Variants in CNTRL observed in about 807,000 individuals in gnomAD.
CNTRL encodes 110 kDa centrosomal protein.
Under a neutral mutation model 303.7 loss-of-function variants are expected in CNTRL, and 233 were observed. The ratio of observed to expected loss-of-function variants is 0.77; its 90% confidence interval spans 0.69 to 0.86. The LOEUF (loss-of-function observed/expected upper bound fraction) is 0.86, where lower values mean the gene tolerates loss of function less well. Among genes scored for constraint, CNTRL ranks in the 40% least tolerant of loss-of-function variants. The pLI is 0.00. For missense variants in CNTRL, 2,524 were observed against 2,650.6 expected, an observed-to-expected ratio of 0.95 and a Z score of 1.05; for synonymous variants, 900 against 922.2, an observed-to-expected ratio of 0.98 and a Z score of 0.44.
intron 14 of CNTRL, among the ~76,000 whole-genome samples, chr9:121,127,702 T>G (rs986229332): frequency 1.3e-5 from 2 of 152,012 alleles, no homozygotes; most frequent in Non-Finnish European, 2.9e-5. Context: ...CATGCAGATT[T>G]GTTACATAGG....
intron 42 of CNTRL, 144 bp downstream of exon 42, chr9:121,173,881 T>C (rs2053416257): frequency 5.1e-6 from 4 of 777,906 alleles, no homozygotes; most frequent in Non-Finnish European, 8.9e-6. Flanking sequence ...GTCTGAAGCT[T>C]CGAGGAGTTG....
intron 30 of CNTRL, chr9:121,158,474 A>G (rs1218707726): frequency 4.4e-6 from 1 of 228,364 alleles, no homozygotes; most frequent in Non-Finnish European, 8.5e-6. Context: ...ACAAATACGT[A>G]TTGTCTTTAA....
chr9:121,149,300 C>T (rs1344383286), intron 24 of CNTRL, among the ~76,000 whole-genome samples: 1 of 152,192 alleles, frequency 6.6e-6, no homozygotes, highest in African/African-American at 2.4e-5. Flanking sequence ...CACTTATTAG[C>T]TGTGTGGTCT....
chr9:121,098,508 A>G lies in CNTRL; in HGVS notation c.744A>G (p.Glu248=). Residue 248 remains glutamate (E), a synonymous_variant, in exon 7 of 44, where the codon GAA becomes GAG. Transcript: ENST00000373855. The part of the protein sequence containing the change: ...QFTIFHLRSL[E]SLEGQPVTTQ... ...CCATTTTCCACCTCCGTTCATTGGAAAGTTTGGAAGGTCAGCCAGTAACCA... is the reference window on the plus strand; with the variant it reads ...CCATTTTCCACCTCCGTTCATTGGAGAGTTTGGAAGGTCAGCCAGTAACCA... 5 of 1,613,988 alleles carry G rather than the reference A, an allele frequency of 3.1e-6. No homozygotes were observed. The highest frequency in any genetic ancestry group is 4.2e-6 in the Non-Finnish European group (5 of 1,179,904).
intron 1 of CNTRL, among the ~76,000 whole-genome samples, chr9:121,079,648 A>G (rs1046966397): frequency 6.6e-6 from 1 of 152,148 alleles, no homozygotes; most frequent in Non-Finnish European, 1.5e-5. Context: ...TAAATATTTC[A>G]GATTTTCAGA....
chr9:121,127,112 G>A (rs925407197), intron 14 of CNTRL, among the ~76,000 whole-genome samples: 28 of 152,124 alleles, frequency 1.8e-4, no homozygotes, highest in Admixed American at 3.3e-4. Context: ...GAGCCACAGC[G>A]CCTGGCCTAT....
chr9:121,148,603 C>A, intron 23 of CNTRL, 69 bp from the exon 24 acceptor site: 2 of 1,426,136 alleles, frequency 1.4e-6, no homozygotes, highest in Non-Finnish European at 1.9e-6. Context: ...TTGCTGTAGA[C>A]TTTGACGTTT....
chr9:121,144,697 C>CAGGAGA (rs2051731601), intron 20 of CNTRL, 146 bp from the exon 21 acceptor site: 4 of 698,080 alleles, frequency 5.7e-6, no homozygotes. Context: ...GGGAACAACA[C>CAGGAGA]AGGAGAAGGT....
At position 121,135,036 on chromosome 9, in the gene CNTRL, G is replaced by A. The variant is rs192133552; in HGVS notation, c.2026-770G>A. Among the ~76,000 whole-genome samples, 575 of 152,300 alleles carry A rather than the reference G, an allele frequency of 3.8e-3. 1 individual carries two copies. Among genetic ancestry groups the A allele is most frequent in the Non-Finnish European group, 6.0e-3 (406 of 68,002 alleles). On this transcript the variant is annotated intron_variant, in intron 14 of 43. Coordinates refer to ENST00000373855, the MANE Select transcript of CNTRL (RefSeq NM_007018.6). ...GTTTTTGGACAATTCTTTTGTAGAA[G>A]TTCTCATCGTAGAATCCTCCTCTTT...
chr9:121,175,270 T>C, intron 43 of CNTRL, 46 bp downstream of exon 43: 1 of 1,557,780 alleles, frequency 6.4e-7, no homozygotes, highest in Non-Finnish European at 8.8e-7. Context: ...CCTGAGGTTG[T>C]TTTTTGTCTT....
chr9:121,154,983 TAGAA>T, intron 27 of CNTRL, 70 bp downstream of exon 27: 1 of 1,331,908 alleles, frequency 7.5e-7, no homozygotes, highest in Non-Finnish European at 1.1e-6. Context: ...CCTGAAGGAT[TAGAA>T]AGAGAATGTG....
chr9:121,117,528 A>G (rs969232160), intron 11 of CNTRL, among the ~76,000 whole-genome samples: 2 of 152,220 alleles, frequency 1.3e-5, no homozygotes, highest in African/African-American at 4.8e-5. Context: ...GTAGCGTAGT[A>G]GTCAGTGAAA....
intron 35 of CNTRL, 52 bp from the exon 36 acceptor site, chr9:121,166,055 G>A: frequency 7.3e-7 from 1 of 1,369,734 alleles, no homozygotes; most frequent in African/African-American, 1.4e-5. Context: ...ATGGGAATCT[G>A]TACAGTAAAT....
Position 121,145,293 on chromosome 9 carries a change from A to G in CNTRL, c.3218A>G (p.Gln1073Arg), listed in dbSNP as rs1174484838. The G allele has an allele frequency of 3.1e-6, 5 of 1,613,866 alleles. No individual in the cohort carries two copies. Among genetic ancestry groups the G allele is most frequent in the Middle Eastern group, 1.6e-4 (1 of 6,080 alleles). Reference protein sequence around the residue: ...KTGVGTGANSQVLEIEKLNET... With the variant: ...KTGVGTGANSRVLEIEKLNET... ...GGTGTAGGTACTGGAGCAAACTCAC[A>G]GGTCCTAGAAATTGAGAAACTGAAT... The change falls in exon 22 of 44, where the codon CAG (glutamine) becomes CGG (arginine). Residue 1073 changes from glutamine to arginine, a missense_variant. Gln to Arg is a conservative substitution (Grantham distance 43). Coordinates refer to ENST00000373855, the MANE Select transcript of CNTRL (RefSeq NM_007018.6).
intron 14 of CNTRL, among the ~76,000 whole-genome samples, chr9:121,128,222 T>G (rs1266908653): frequency 6.6e-6 from 1 of 152,224 alleles, no homozygotes; most frequent in African/African-American, 2.4e-5. Context: ...ATCGCCACAT[T>G]GTCTTCCACA....
intron 27 of CNTRL, among the ~76,000 whole-genome samples, chr9:121,157,205 G>T (rs1175934389): frequency 6.6e-6 from 1 of 152,132 alleles, no homozygotes; most frequent in East Asian, 1.9e-4. Flanking sequence ...TCATTTGAAA[G>T]GCTACACAGT....
intron 15 of CNTRL, among the ~76,000 whole-genome samples, chr9:121,137,926 C>G (rs1215417291): frequency 3.9e-5 from 6 of 152,110 alleles, no homozygotes. Context: ...GGGACATTCC[C>G]CCTCCCTCAG....
intron 39 of CNTRL, among the ~76,000 whole-genome samples, chr9:121,170,956 G>C (rs1430065067): frequency 6.6e-6 from 1 of 152,134 alleles, no homozygotes; most frequent in African/African-American, 2.4e-5. Context: ...AACTGTCAAG[G>C]GGGAGGATTT....
intron 10 of CNTRL, among the ~76,000 whole-genome samples, chr9:121,114,723 TG>T (rs1303346330): frequency 6.6e-6 from 1 of 152,194 alleles, no homozygotes; most frequent in African/African-American, 2.4e-5. Flanking sequence ...CAAGGTTTTA[TG>T]GGTTATTTTT....
Sources: gnomAD v4.1 joint callset for allele counts (sites outside exome capture counted in the v4.1 genomes callset) on GRCh38, gnomAD v4.1.1 for gene constraint, MANE v1.5 for transcripts, NCBI Gene and HGNC (gene_info 2026-07-23, HGNC 2026-07-21) for gene names.